Variants in GPC5 observed in about 807,000 individuals in gnomAD.
GPC5 encodes glypican 5.
Under a neutral mutation model 53.9 loss-of-function variants are expected in GPC5, and 47 were observed. The observed-to-expected ratio is 0.87, with a 90% CI of 0.69 to 1.11. The LOEUF is 1.11. GPC5 is among the 50% of genes most tolerant of loss of function. GPC5 has a pLI of 0.00. For missense variants in GPC5, 748 were observed against 713.1 expected (o/e 1.05, Z -0.56); for synonymous variants, 286 against 263.3 (o/e 1.09, Z -0.84).
rs1216310177 is a variant in GPC5, at chr13:91,959,094, AC to A, written c.1401+51038del. Among the ~76,000 whole-genome samples, 736 of 145,354 alleles carry A rather than the reference AC, an allele frequency of 5.1e-3. 7 individuals are homozygous for A. The highest frequency in any genetic ancestry group is 0.017 in the African/African-American group (682 of 40,640). On this transcript the variant is annotated intron_variant, in intron 6 of 7. Coordinates refer to ENST00000377067, the MANE Select transcript of GPC5 (RefSeq NM_004466.6). ...CACACACACACACACACACACACAC[AC>A]ACACACATCAATGATGAAACAGAAA... is the stretch of plus-strand genomic sequence containing the variant.
intron 7 of GPC5, among the ~76,000 whole-genome samples, chr13:92,789,928 G>A (rs1348941632): frequency 6.6e-6 from 1 of 152,208 alleles, no homozygotes; most frequent in South Asian, 2.1e-4. Context: ...TCAGTCTATG[G>A]CCAAAAGCCT....
At chr13:92,685,560 A>ATTTTTTTTTTTTTAATT (rs1887244062) in intron 7 of GPC5, among the ~76,000 whole-genome samples, 1 of 120,886 alleles carries the variant, frequency 8.3e-6, no homozygotes, top group African/African-American at 3.6e-5. Flanking sequence ...TTTTTTTTTA[A>ATTTTTTTTTTTTTAATT]TTTTTTTTTT....
chr13:91,408,355 C>T (rs895827611), intron 1 of GPC5, among the ~76,000 whole-genome samples: 8 of 152,150 alleles, frequency 5.3e-5, no homozygotes, highest in African/African-American at 1.9e-4. Flanking sequence ...ATAATGTCCT[C>T]CAGGTTCATC....
intron 5 of GPC5, among the ~76,000 whole-genome samples, chr13:91,842,555 A>G (rs1355762779): frequency 1.3e-5 from 2 of 150,442 alleles, no homozygotes; most frequent in Non-Finnish European, 3.0e-5. Context: ...ACAAAAAATT[A>G]GCCGGGCGTG....
Position 91,689,184 on chromosome 13 carries a change from AATATATATATATATATAT to A in GPC5, c.326-3973_326-3956del, listed in dbSNP as rs1169911890. On this transcript the variant is annotated intron_variant, in intron 2 of 7. Transcript: ENST00000377067. ...ATGTTGTCTCAAAAAATCATATATA[AATATATATATATATATAT>A]ATATATATATATATATATATATATA... Among the ~76,000 whole-genome samples the A allele has an allele frequency of 2.6e-3, 130 of 49,592 alleles. 3 individuals are homozygous for A. The highest frequency in any genetic ancestry group is 0.013 in the Middle Eastern group (1 of 76). 32.5% of individuals were successfully genotyped at this position (49,592 alleles called of 152,430 possible).
At chr13:92,278,317 C>G (rs1320417993) in intron 7 of GPC5, among the ~76,000 whole-genome samples, 1 of 151,928 alleles carries the variant, frequency 6.6e-6, no homozygotes, top group Non-Finnish European at 1.5e-5. Context: ...GATAATAAAT[C>G]TATATATGCA....
At position 92,314,076 on chromosome 13, in the gene GPC5, T is replaced by G. The variant is rs959333961; in HGVS notation, c.1561+169087T>G. 2.0e-4 allele frequency among the ~76,000 whole-genome samples: 30 copies of G among 152,196 alleles called. 1 individual carries two copies. The highest frequency in any genetic ancestry group is 2.0e-3 in the Admixed American group (30 of 15,282). On this transcript the variant is annotated intron_variant, in intron 7 of 7. Transcript: ENST00000377067. ...AATGGAGGTTCACAGATTTTTTTTG[T>G]GAGGTTTTGTGAGACAAATGGAGGA... is the stretch of plus-strand genomic sequence containing the variant.
chr13:92,753,686 G>A (rs1416740322), intron 7 of GPC5, among the ~76,000 whole-genome samples: 2 of 152,068 alleles, frequency 1.3e-5, no homozygotes, highest in Non-Finnish European at 2.9e-5. Context: ...GAAGAATGCA[G>A]AAACCTCAGG....
At chr13:91,646,909 G>C (rs1350345655) in intron 2 of GPC5, among the ~76,000 whole-genome samples, 1 of 152,104 alleles carries the variant, frequency 6.6e-6, no homozygotes, top group African/African-American at 2.4e-5. Context: ...TGTAATTCAA[G>C]TTATCAGTCA....
At chr13:92,280,750 T>C (rs2139167950) in intron 7 of GPC5, among the ~76,000 whole-genome samples, 1 of 152,234 alleles carries the variant, frequency 6.6e-6, no homozygotes, top group Non-Finnish European at 1.5e-5. Flanking sequence ...TAAGAAAATA[T>C]GACGGGGTGC....
intron 5 of GPC5, among the ~76,000 whole-genome samples, chr13:91,790,069 A>G (rs2037940699): frequency 6.6e-6 from 1 of 152,198 alleles, no homozygotes; most frequent in Admixed American, 6.5e-5. Context: ...CCACCTCCCA[A>G]CATTGCCACG....
intron 7 of GPC5, among the ~76,000 whole-genome samples, chr13:92,724,770 C>A (rs896027759): frequency 1.3e-5 from 2 of 151,028 alleles, no homozygotes; most frequent in Non-Finnish European, 3.0e-5. Context: ...GCAAAATGAG[C>A]AAGTTATAGA....
At chr13:92,052,419 A>G (rs112419369) in intron 6 of GPC5, among the ~76,000 whole-genome samples, 2,080 of 152,310 alleles carry the variant, frequency 0.014, 42 homozygotes, top group African/African-American at 0.048. Context: ...AAGTGTCCAC[A>G]GCGTGGAAGG....
chr13:92,826,582 T>G (rs1197070402), intron 7 of GPC5, among the ~76,000 whole-genome samples: 1 of 152,050 alleles, frequency 6.6e-6, no homozygotes, highest in Non-Finnish European at 1.5e-5. Flanking sequence ...CAATAGAAAA[T>G]TAGAATATCC....
chr13:92,753,221 G>C (rs1874674336), intron 7 of GPC5, among the ~76,000 whole-genome samples: 1 of 152,126 alleles, frequency 6.6e-6, no homozygotes, highest in Admixed American at 6.6e-5. Context: ...CCCCCCAGCA[G>C]GGGCACACTG....
chr13:92,219,058 G>A (rs574156223), intron 7 of GPC5, among the ~76,000 whole-genome samples: 5 of 152,030 alleles, frequency 3.3e-5, no homozygotes, highest in Non-Finnish European at 5.9e-5. Context: ...CCAACATTCC[G>A]TGAGAAGCAG....
rs530410887 is a variant in GPC5, at chr13:92,424,810, CTATT to C, written c.1561+279822_1561+279825del. Reference sequence around the variant, plus strand: ...ATAGTTGACACAAATCAATATTCATCTATTCATTCATTCATTCATTCATTCATTC... The same window carrying C: ...ATAGTTGACACAAATCAATATTCATCCATTCATTCATTCATTCATTCATTC... On this transcript the variant is annotated intron_variant, in intron 7 of 7. Transcript: ENST00000377067. Among the ~76,000 whole-genome samples the C allele has an allele frequency of 2.8e-3, 221 of 78,602 alleles. 1 individual carries two copies. Among genetic ancestry groups the C allele is most frequent in the Admixed American group, 0.027 (189 of 6,992 alleles). 51.6% of individuals were successfully genotyped at this position (78,602 alleles called of 152,430 possible).
intron 1 of GPC5, among the ~76,000 whole-genome samples, chr13:91,436,733 G>A (rs1489826985): frequency 2.0e-5 from 3 of 152,112 alleles, no homozygotes; most frequent in South Asian, 2.1e-4. Context: ...TTCAGTTCCT[G>A]GATATCCTTA....
At chr13:92,494,095 G>GTTT (rs1464502034) in intron 7 of GPC5, among the ~76,000 whole-genome samples, 10 of 95,296 alleles carry the variant, frequency 1.0e-4, no homozygotes, top group African/African-American at 2.9e-4. Context: ...GTTTTGTTTT[G>GTTT]TTTTGTTTTT....
Sources: gnomAD v4.1 joint callset for allele counts (sites outside exome capture counted in the v4.1 genomes callset) on GRCh38, gnomAD v4.1.1 for gene constraint, MANE v1.5 for transcripts, NCBI Gene and HGNC (gene_info 2026-07-23, HGNC 2026-07-21) for gene names.